EDEM3: variants seen among roughly 807,000 people sequenced by gnomAD.
EDEM3 encodes the protein ER degradation-enhancing alpha-mannosidase-like protein 3.
Under a neutral mutation model 110.2 loss-of-function variants are expected in EDEM3, and 60 were observed. That is an observed-to-expected ratio of 0.54 (90% confidence interval 0.44 to 0.67). The LOEUF is 0.67. Among genes scored for constraint, EDEM3 ranks in the 30% least tolerant of loss-of-function variants. EDEM3 has a pLI of 0.00. For synonymous variants in EDEM3, 352 were observed against 382.9 expected (o/e 0.92, Z 0.94); for missense variants, 996 against 1,121.0 (o/e 0.89, Z 1.59).
intron 2 of EDEM3, among the ~76,000 whole-genome samples, chr1:184,740,197 G>A (rs570158942): frequency 1.3e-5 from 2 of 152,056 alleles, no homozygotes; most frequent in South Asian, 2.1e-4. Context: ...GGTTAGAATC[G>A]TGTTAAGTAC....
chr1:184,717,080 C>A, intron 12 of EDEM3, 68 bp from the exon 13 acceptor site: 1 of 1,327,232 alleles, frequency 7.5e-7, no homozygotes, highest in South Asian at 1.5e-5. Context: ...ATTCATTTAC[C>A]AAATATTTAT....
intron 19 of EDEM3, among the ~76,000 whole-genome samples, chr1:184,698,432 C>T (rs1457459205): frequency 6.6e-6 from 1 of 151,778 alleles, no homozygotes. Flanking sequence ...TAATGCAAAA[C>T]ATAATGCAGC....
chr1:184,746,739 C>A (rs1329186443), intron 2 of EDEM3, among the ~76,000 whole-genome samples: 1 of 152,068 alleles, frequency 6.6e-6, no homozygotes, highest in Non-Finnish European at 1.5e-5. Flanking sequence ...TTGGAAAACA[C>A]CACTGCTTTC....
intron 2 of EDEM3, among the ~76,000 whole-genome samples, chr1:184,739,844 C>G (rs1219561303): frequency 6.6e-6 from 1 of 151,888 alleles, no homozygotes; most frequent in Non-Finnish European, 1.5e-5. Flanking sequence ...TTTCAAGTAC[C>G]AAAATTAAAC....
At chr1:184,738,805 T>C (rs1160536745) in intron 2 of EDEM3, among the ~76,000 whole-genome samples, 1 of 152,218 alleles carries the variant, frequency 6.6e-6, no homozygotes, top group Non-Finnish European at 1.5e-5. Context: ...GTTGCTTTTT[T>C]TGGCCACAAG....
At position 184,694,036 on chromosome 1, in the gene EDEM3, A is replaced by G. The variant is rs1649199891; in HGVS notation, c.*27T>C. On this transcript the variant is annotated 3_prime_UTR_variant, in exon 20 of 20. Transcript: ENST00000318130. ...CACACAGTTTACCTTTTCTTTTTAA[A>G]TACCTACCAACAGATTGTTTAGCAA... The G allele has an allele frequency of 3.1e-6, 5 of 1,588,122 alleles. No homozygotes were observed. Among genetic ancestry groups the G allele is most frequent in the Non-Finnish European group, 4.3e-6 (5 of 1,167,850 alleles).
intron 5 of EDEM3, among the ~76,000 whole-genome samples, chr1:184,733,988 C>G (rs1651682974): frequency 6.6e-6 from 1 of 152,262 alleles, no homozygotes; most frequent in Non-Finnish European, 1.5e-5. Flanking sequence ...AATGTTCAAC[C>G]TATATTCCCT....
At chr1:184,726,975 G>A (rs1291153321) in intron 6 of EDEM3, among the ~76,000 whole-genome samples, 1 of 152,180 alleles carries the variant, frequency 6.6e-6, no homozygotes, top group African/African-American at 2.4e-5. Flanking sequence ...TTTTTCAAAG[G>A]TGTATTTCTT....
intron 9 of EDEM3, 64 bp from the exon 10 acceptor site, chr1:184,719,632 T>C (rs1650770474): frequency 2.0e-6 from 3 of 1,521,326 alleles, no homozygotes; most frequent in Middle Eastern, 1.7e-4. Flanking sequence ...TCTAAACACA[T>C]TAAATAGCAC....
rs1397303610 is a variant in EDEM3 at position 184,691,640 on chromosome 1, T to G, written c.*2423A>C. 1.3e-5 allele frequency: 2 copies of G among 150,868 alleles called. No individual in the cohort carries two copies. Among genetic ancestry groups the G allele is most frequent in the African/African-American group, 4.9e-5 (2 of 40,942 alleles). 9.3% of individuals were successfully genotyped at this position (150,868 alleles called of 1,614,324 possible). A position where few individuals can be genotyped will look rare whatever the true frequency, so the allele number is the denominator to read the frequency against. Reference sequence around the variant, plus strand: ...AAACACTAAAAAAAAAAAAAACAACTAATGCCTTTGGAATTTTTAATGAAC... The same window carrying G: ...AAACACTAAAAAAAAAAAAAACAACGAATGCCTTTGGAATTTTTAATGAAC... On this transcript the variant is annotated 3_prime_UTR_variant, in exon 20 of 20. Coordinates refer to ENST00000318130, the MANE Select transcript of EDEM3 (RefSeq NM_025191.4).
In EDEM3 at chr1:184,702,905, C is replaced by T; in HGVS notation, c.2295G>A (p.Leu765=). Residue 765 remains leucine (L), a synonymous_variant, in exon 19 of 20, where the codon CTG becomes CTA. Coordinates refer to ENST00000318130, the MANE Select transcript of EDEM3 (RefSeq NM_025191.4). ...KDTDDIKIPM[L]FLFSKEGSII... is the part of the protein sequence containing the mutation. ...TACTTCCTTCTTTGCTGAATAAGAACAGCATGGGGATCTTGATGTCATCTG... is the reference window on the plus strand; with the variant it reads ...TACTTCCTTCTTTGCTGAATAAGAATAGCATGGGGATCTTGATGTCATCTG... 1 of 1,613,666 alleles carries T rather than the reference C, an allele frequency of 6.2e-7. No homozygotes were observed. The highest frequency in any genetic ancestry group is 8.5e-7 in the Non-Finnish European group (1 of 1,179,788).
At chr1:184,754,262 CAT>C (rs1392049374) in intron 1 of EDEM3, among the ~76,000 whole-genome samples, 2 of 152,210 alleles carry the variant, frequency 1.3e-5, no homozygotes, top group Admixed American at 1.3e-4. Context: ...GGAGCCTGCA[CAT>C]GTCACCGGCG....
rs1649080778 is a variant in EDEM3, at chr1:184,691,923, A to AAG, written c.*2138_*2139dup. 1 of 152,128 alleles carries AAG rather than the reference A, an allele frequency of 6.6e-6. No homozygotes were observed. Among genetic ancestry groups the AAG allele is most frequent in the Non-Finnish European group, 1.5e-5 (1 of 67,994 alleles). The allele number at this position is 152,128 out of a possible 1,614,324, so 9.4% of individuals were successfully genotyped here. A position where few individuals can be genotyped will look rare whatever the true frequency, so the allele number is the denominator to read the frequency against. ...AACACCTCCCTCTAATGGCCAAAGG[A>AAG]AGAGAGTGGCAGTAAGCTGGCTTTT... On this transcript the variant is annotated 3_prime_UTR_variant, in exon 20 of 20. Coordinates refer to ENST00000318130, the MANE Select transcript of EDEM3 (RefSeq NM_025191.4).
At position 184,706,614 on chromosome 1, in the gene EDEM3, T is replaced by C. The variant is rs899596544; in HGVS notation, c.2203+29A>G. ...ATCCTAAAAATTATCTCCCCTTCAG[T>C]CAACACAATGACATGGATGATTACT... On this transcript the variant is annotated intron_variant, in intron 18 of 19. Coordinates refer to ENST00000318130, the MANE Select transcript of EDEM3 (RefSeq NM_025191.4). The C allele has an allele frequency of 2.0e-6, 3 of 1,531,008 alleles. No individual in the cohort carries two copies. In the African/African-American group the frequency reaches 4.1e-5, roughly 21 times the overall value. 94.8% of individuals were successfully genotyped at this position (1,531,008 alleles called of 1,614,324 possible).
At chr1:184,717,662 T>C in intron 11 of EDEM3, 39 bp from the exon 12 acceptor site, 1 of 1,502,660 alleles carries the variant, frequency 6.7e-7, no homozygotes, top group Non-Finnish European at 9.0e-7. Context: ...AAAAATGTGA[T>C]TAAATACACA....
At chr1:184,716,681 C>CTATA (rs1162410189) in intron 13 of EDEM3, among the ~76,000 whole-genome samples, 1 of 152,142 alleles carries the variant, frequency 6.6e-6, no homozygotes, top group Non-Finnish European at 1.5e-5. Context: ...TGAGCACCTA[C>CTATA]TATATGCCAG....
intron 4 of EDEM3, 99 bp downstream of exon 4, chr1:184,736,926 T>C: frequency 1.0e-6 from 1 of 970,428 alleles, no homozygotes; most frequent in Admixed American, 2.1e-5. Context: ...TCTTTAATTC[T>C]GAAGGCTTCT....
intron 6 of EDEM3, among the ~76,000 whole-genome samples, chr1:184,730,857 T>A (rs1263380028): frequency 6.8e-6 from 1 of 146,142 alleles, no homozygotes; most frequent in Non-Finnish European, 1.5e-5. Context: ...CCTAAAGGCA[T>A]GGAATGAAAA....
rs10911638 is a variant in EDEM3 at position 184,703,139 on chromosome 1, T to C, written c.2204-143A>G. ...AAAACCAACATAATTTTTGGACCCATTAATTCTCATAGAAACGTATCCAAA... is the reference window on the plus strand; with the variant it reads ...AAAACCAACATAATTTTTGGACCCACTAATTCTCATAGAAACGTATCCAAA... On this transcript the variant is annotated intron_variant, in intron 18 of 19. Coordinates refer to ENST00000318130, the MANE Select transcript of EDEM3 (RefSeq NM_025191.4). The C allele has an allele frequency of 3.6e-3, 2,407 of 675,202 alleles. 19 individuals carry two copies. Among genetic ancestry groups the C allele is most frequent in the East Asian group, 0.023 (727 of 31,972 alleles). 41.8% of individuals were successfully genotyped at this position (675,202 alleles called of 1,614,324 possible). A position where few individuals can be genotyped will look rare whatever the true frequency, so the allele number is the denominator to read the frequency against.
Sources: gnomAD v4.1 joint callset for allele counts (sites outside exome capture counted in the v4.1 genomes callset) on GRCh38, gnomAD v4.1.1 for gene constraint, MANE v1.5 for transcripts, NCBI Gene and HGNC (gene_info 2026-07-23, HGNC 2026-07-21) for gene names.